The following SPEF2 variants were observed in gnomAD, a reference collection of about 807,000 sequenced individuals.
SPEF2 encodes the protein sperm flagella and cilia-associated protein 2.
In SPEF2, 187 loss-of-function variants were observed where a neutral mutation model predicts 224.6. The ratio of observed to expected loss-of-function variants is 0.83; its 90% CI spans 0.74 to 0.94. SPEF2 has a LOEUF of 0.94. SPEF2 is among the 40% of genes least tolerant of loss of function. The pLI is 0.00. For synonymous variants in SPEF2, 715 were observed against 707.3 expected (o/e 1.01, Z -0.17); for missense variants, 2,170 against 2,135.6 (o/e 1.02, Z -0.32).
Position 35,655,377 on chromosome 5 carries a change from TG to T in SPEF2, c.978+652del, listed in dbSNP as rs1748831001. On this transcript the variant is annotated intron_variant, in intron 7 of 36. Transcript: ENST00000356031. The stretch of plus-strand genomic sequence containing the variant: ...ATTGAACTTCTATGCTTTGAGTACT[TG>T]TGATAGGCCCAGAGATATGACAGAG... Among the ~76,000 whole-genome samples, 4 of 152,308 alleles carry T rather than the reference TG, an allele frequency of 2.6e-5. No homozygotes were observed. The South Asian group carries it at 8.3e-4, about 32-fold the overall frequency.
At chr5:35,736,750 G>A (rs1196162276) in intron 21 of SPEF2, among the ~76,000 whole-genome samples, 1 of 152,142 alleles carries the variant, frequency 6.6e-6, no homozygotes, top group African/African-American at 2.4e-5. Context: ...GTTTGATGAG[G>A]GGAATGAGCA....
At chr5:35,716,698 CAT>C (rs941679585) in intron 20 of SPEF2, among the ~76,000 whole-genome samples, 1 of 151,990 alleles carries the variant, frequency 6.6e-6, no homozygotes, top group Admixed American at 6.6e-5. Context: ...ACATATAAAT[CAT>C]GTGGTTTTGG....
chr5:35,761,959 C>T (rs1456794250), intron 25 of SPEF2, among the ~76,000 whole-genome samples: 2 of 152,130 alleles, frequency 1.3e-5, no homozygotes, highest in Non-Finnish European at 2.9e-5. Flanking sequence ...ACCAACTAAC[C>T]TATCAACCTG....
At chr5:35,793,115 A>T (rs758241111) in intron 31 of SPEF2, 44 bp from the exon 32 acceptor site, 3 of 1,549,202 alleles carry the variant, frequency 1.9e-6, no homozygotes, top group Non-Finnish European at 2.6e-6. Flanking sequence ...GCATCAAGAT[A>T]GATTCATGTA....
At chr5:35,674,375 TTTATTA>T (rs745892368) in intron 10 of SPEF2, among the ~76,000 whole-genome samples, 1 of 148,800 alleles carries the variant, frequency 6.7e-6, no homozygotes, top group Non-Finnish European at 1.5e-5. Flanking sequence ...CCAAATTCTT[TTTATTA>T]TTATTATTAT....
chr5:35,684,144 C>T (rs765260574), intron 10 of SPEF2: 4 of 152,056 alleles, frequency 2.6e-5, no homozygotes, highest in South Asian at 2.1e-4. Context: ...ATTTCTGATT[C>T]GTCATTACTA....
intron 10 of SPEF2, among the ~76,000 whole-genome samples, chr5:35,673,133 A>G (rs575497847): frequency 6.6e-6 from 1 of 152,280 alleles, no homozygotes; most frequent in South Asian, 2.1e-4. Context: ...GTTCCTAGGC[A>G]ACTACCACAG....
At chr5:35,809,598 A>G (rs1758414005) in intron 36 of SPEF2, among the ~76,000 whole-genome samples, 1 of 152,192 alleles carries the variant, frequency 6.6e-6, no homozygotes, top group South Asian at 2.1e-4. Context: ...CACCCCATGA[A>G]TAGCCTGGGA....
At position 35,780,481 on chromosome 5, in the gene SPEF2, C is replaced by T. The variant is rs1247790719; in HGVS notation, c.4447+1135C>T. On this transcript the variant is annotated intron_variant, in intron 30 of 36. Coordinates refer to ENST00000356031, the MANE Select transcript of SPEF2 (RefSeq NM_024867.4). ...AGCCCACACTTCAGCTGTGGAGGGACGGAGGTGCCATTTGGCAGCATTTGG... is the reference window on the plus strand; with the variant it reads ...AGCCCACACTTCAGCTGTGGAGGGATGGAGGTGCCATTTGGCAGCATTTGG... 2.6e-5 allele frequency among the ~76,000 whole-genome samples: 4 copies of T among 152,046 alleles called. No homozygotes were observed. The East Asian group carries it at 5.8e-4, about 22-fold the overall frequency.
Position 35,641,472 on chromosome 5 carries a change from C to T in SPEF2, c.203C>T (p.Pro68Leu), listed in dbSNP as rs761180058. The T allele has an allele frequency of 6.2e-7, 1 of 1,613,594 alleles. No homozygotes were observed. The highest frequency in any genetic ancestry group is 1.1e-5 in the South Asian group (1 of 91,054). ...AKLNNFSRLE[P>L]TLNLLGVQFD... ...CTTAATAATTTTTCTCGCTTGGAGC[C>T]AACACTTAACCTTCTGGGTGTGCAG... Residue 68 changes from proline (P) to leucine (L), a missense_variant, in exon 3 of 37, where the codon CCA becomes CTA. Physicochemically the swap from Pro to Leu is moderately conservative, Grantham distance 98. Coordinates refer to ENST00000356031, the MANE Select transcript of SPEF2 (RefSeq NM_024867.4).
chr5:35,754,348 C>T (rs73086251), intron 24 of SPEF2, among the ~76,000 whole-genome samples: 6,661 of 152,186 alleles, frequency 0.044, 454 homozygotes, highest in African/African-American at 0.13. Context: ...AACCCAGCTC[C>T]GCCAAGACAA....
intron 36 of SPEF2, among the ~76,000 whole-genome samples, chr5:35,813,832 TA>T (rs34553306): frequency 3.2e-4 from 48 of 148,338 alleles, no homozygotes; most frequent in African/African-American, 1.1e-3. Flanking sequence ...AATTGTGAAA[TA>T]AAAAAAAAAA....
chr5:35,643,693 G>T, intron 3 of SPEF2: 1 of 361,896 alleles, frequency 2.8e-6, no homozygotes, highest in Non-Finnish European at 5.5e-6. Context: ...GATGAGAAGA[G>T]GTGCAGGTAA....
chr5:35,807,884 G>A, intron 36 of SPEF2: 1 of 1,464,568 alleles, frequency 6.8e-7, no homozygotes. Context: ...GGACTAAGGA[G>A]GGCAGAGGCT....
chr5:35,750,997 GTA>G (rs70973058), intron 23 of SPEF2, among the ~76,000 whole-genome samples: 342 of 28,788 alleles, frequency 0.012, 9 homozygotes, highest in South Asian at 0.038. Context: ...ATATATATAT[GTA>G]TATATATATA....
At chr5:35,778,285 T>G (rs979183089) in intron 29 of SPEF2, among the ~76,000 whole-genome samples, 2 of 152,200 alleles carry the variant, frequency 1.3e-5, no homozygotes, top group Non-Finnish European at 2.9e-5. Flanking sequence ...TAAAATAATT[T>G]TTAAAAGGTC....
intron 34 of SPEF2, among the ~76,000 whole-genome samples, 184 bp downstream of exon 34, chr5:35,800,331 T>C (rs1013692718): frequency 6.6e-6 from 1 of 152,162 alleles, no homozygotes; most frequent in East Asian, 1.9e-4. Context: ...GGGGACCCAA[T>C]TGCCATCAAA....
In SPEF2 at chr5:35,692,620, C is replaced by T. The variant is rs1754689321; in HGVS notation, c.1795C>T (p.Gln599Ter). 6.2e-7 allele frequency: 1 copy of T among 1,613,334 alleles called. No homozygotes were observed. Reference protein sequence around the residue: ...SIDTLVQEAIQAFHDNEKVSE... With the variant: ...SIDTLVQEAI ...TGACACTCTTGTCCAAGAAGCTATC[C>T]AAGCATTTCATGACAATGAAAAAGT... The change falls in exon 12 of 37, where the codon CAA becomes TAA. Residue 599 changes from glutamine to a stop codon, truncating the protein, a stop_gained. Transcript: ENST00000356031. LOFTEE classifies it high-confidence loss of function.
At chr5:35,745,316 T>C (rs1048783284) in intron 23 of SPEF2, among the ~76,000 whole-genome samples, 1 of 152,062 alleles carries the variant, frequency 6.6e-6, no homozygotes, top group Admixed American at 6.5e-5. Flanking sequence ...GCAAGAAGCC[T>C]CCCGGCCAGA....
Sources: gnomAD v4.1 joint callset for allele counts (sites outside exome capture counted in the v4.1 genomes callset) on GRCh38, gnomAD v4.1.1 for gene constraint, MANE v1.5 for transcripts, NCBI Gene and HGNC (gene_info 2026-07-23, HGNC 2026-07-21) for gene names.